The following SLC14A2 variants were observed in gnomAD, a reference collection of about 807,000 sequenced individuals.
SLC14A2 encodes solute carrier family 14 member 2.
In SLC14A2, 91 loss-of-function variants were observed where a neutral mutation model predicts 104.6. The observed-to-expected ratio is 0.87, with a 90% CI of 0.73 to 1.04. The LOEUF is 1.04. SLC14A2 is among the 50% of genes least tolerant of loss of function. The probability of loss-of-function intolerance (pLI) is 0.00; values close to 1 mark genes in which losing one functional copy is unlikely to be tolerated. For synonymous variants in SLC14A2, 476 were observed against 466.4 expected, an observed-to-expected ratio of 1.02 and a Z score of -0.27; for missense variants, 1,189 against 1,156.0, an observed-to-expected ratio of 1.03 and a Z score of -0.41.
intron 2 of SLC14A2, among the ~76,000 whole-genome samples, chr18:45,576,790 C>T (rs1048496846): frequency 6.6e-6 from 1 of 152,138 alleles, no homozygotes; most frequent in Non-Finnish European, 1.5e-5. Flanking sequence ...ATTGCAAGGA[C>T]AGTTTGTTAT....
chr18:45,366,091 T>C (rs751819591), intron 1 of SLC14A2, among the ~76,000 whole-genome samples: 2 of 152,150 alleles, frequency 1.3e-5, no homozygotes, highest in African/African-American at 2.4e-5. Flanking sequence ...TTTTAGTTTT[T>C]CTTTTCCAAA....
intron 1 of SLC14A2, among the ~76,000 whole-genome samples, chr18:45,465,849 A>G (rs2087131846): frequency 1.3e-5 from 2 of 152,132 alleles, no homozygotes; most frequent in South Asian, 4.1e-4. Context: ...CCACATTGCT[A>G]AGTATAAAAT....
intron 2 of SLC14A2, among the ~76,000 whole-genome samples, chr18:45,555,262 G>T (rs551944691): frequency 6.6e-6 from 1 of 152,242 alleles, no homozygotes; most frequent in East Asian, 1.9e-4. Context: ...GAGCATTCAT[G>T]GTTTTAATAA....
chr18:45,387,096 C>T (rs1341224208), intron 1 of SLC14A2, among the ~76,000 whole-genome samples: 1 of 152,160 alleles, frequency 6.6e-6, no homozygotes, highest in Non-Finnish European at 1.5e-5. Context: ...TTCCATTGGG[C>T]CCTCACAGAT....
chr18:45,625,479 C>T (rs1250481926), intron 2 of SLC14A2, among the ~76,000 whole-genome samples: 1 of 152,176 alleles, frequency 6.6e-6, no homozygotes, highest in Admixed American at 6.5e-5. Flanking sequence ...GTGAAGAAAT[C>T]CTGCTGTGAA....
intron 1 of SLC14A2, among the ~76,000 whole-genome samples, chr18:45,256,079 G>A (rs1385829257): frequency 1.3e-5 from 2 of 152,138 alleles, no homozygotes; most frequent in African/African-American, 2.4e-5. Flanking sequence ...CAGCGTTCTG[G>A]AGGTGCCGGA....
the SLC14A2 span, among the ~76,000 whole-genome samples, chr18:45,173,447 G>A: frequency 1.3e-5 from 2 of 150,830 alleles, no homozygotes; most frequent in African/African-American, 4.9e-5. Flanking sequence ...GAGTAAAGGA[G>A]ATTGCCTGAA....
chr18:45,236,009 G>A (rs2084232619), intron 1 of SLC14A2, among the ~76,000 whole-genome samples: 1 of 54,678 alleles, frequency 1.8e-5, no homozygotes, highest in Non-Finnish European at 3.0e-5. Context: ...ATATATGTGT[G>A]TATATATGTG....
chr18:45,653,226 C>T (rs77730157), intron 10 of SLC14A2, among the ~76,000 whole-genome samples: 1 of 152,008 alleles, frequency 6.6e-6, no homozygotes, highest in Non-Finnish European at 1.5e-5. Flanking sequence ...CACACCATTC[C>T]CCACCACTCC....
chr18:45,377,297 A>G (rs535910725), intron 1 of SLC14A2, among the ~76,000 whole-genome samples: 7 of 151,536 alleles, frequency 4.6e-5, no homozygotes, highest in African/African-American at 1.7e-4. Context: ...CTAAACACAG[A>G]TATTCTCCCC....
At chr18:45,353,195 A>C (rs2085519726) in intron 1 of SLC14A2, among the ~76,000 whole-genome samples, 11 of 152,202 alleles carry the variant, frequency 7.2e-5, no homozygotes, top group Admixed American at 7.2e-4. Context: ...CAAATATAGA[A>C]GTACGGAGTC....
At chr18:45,299,049 C>G (rs150682838) in intron 1 of SLC14A2, among the ~76,000 whole-genome samples, 47 of 151,980 alleles carry the variant, frequency 3.1e-4, no homozygotes, top group African/African-American at 1.1e-3. Flanking sequence ...TTTTGTTTTG[C>G]AAATTAGATT....
intron 10 of SLC14A2, among the ~76,000 whole-genome samples, chr18:45,648,363 G>A (rs768686245): frequency 3.6e-4 from 55 of 151,898 alleles, no homozygotes; most frequent in South Asian, 1.0e-3. Context: ...CCGCCACCAC[G>A]ACCAGCTAAT....
chr18:45,589,780 T>G (rs2044621011), intron 2 of SLC14A2, among the ~76,000 whole-genome samples: 3 of 152,098 alleles, frequency 2.0e-5, no homozygotes, highest in Admixed American at 2.0e-4. Context: ...GAACTGTCCA[T>G]GAAGAGAGAA....
chr18:45,209,030 A>T (rs1347145831), upstream of SLC14A2, among the ~76,000 whole-genome samples: 1 of 16,214 alleles, frequency 6.2e-5, no homozygotes, highest in African/African-American at 1.2e-4. Context: ...AGGCATTTAA[A>T]AAAAAAAAAA....
At chr18:45,605,159 C>T (rs2044848192) in intron 2 of SLC14A2, among the ~76,000 whole-genome samples, 1 of 152,206 alleles carries the variant, frequency 6.6e-6, no homozygotes, top group African/African-American at 2.4e-5. Context: ...CAATGCTGAT[C>T]TTCACGCACG....
At chr18:45,645,507 A>AT (rs1262407847) in intron 10 of SLC14A2, among the ~76,000 whole-genome samples, 2 of 143,878 alleles carry the variant, frequency 1.4e-5, no homozygotes, top group Non-Finnish European at 3.0e-5. Context: ...GAAGTGTATG[A>AT]TATTTAAAAC....
intron 2 of SLC14A2, among the ~76,000 whole-genome samples, chr18:45,603,373 G>T (rs1277148432): frequency 6.6e-6 from 1 of 151,960 alleles, no homozygotes; most frequent in Non-Finnish European, 1.5e-5. Context: ...CTTTGTCCTA[G>T]ATTAACCATT....
chr18:45,339,079 GGT>G (rs372309156), intron 1 of SLC14A2, among the ~76,000 whole-genome samples: 142 of 152,214 alleles, frequency 9.3e-4, no homozygotes, highest in African/African-American at 3.3e-3. Flanking sequence ...TGGGATTACA[GGT>G]GTGTGCCACC....
Sources: allele counts gnomAD v4.1 joint callset (sites outside exome capture counted in the v4.1 genomes callset), GRCh38; gene constraint gnomAD v4.1.1; transcripts MANE v1.5; gene names NCBI Gene and HGNC (gene_info 2026-07-23, HGNC 2026-07-21).